The following MARK3 variants were observed in gnomAD, a reference collection of about 807,000 sequenced individuals.
MARK3 encodes the protein MAP/microtubule affinity-regulating kinase 3.
Under a neutral mutation model 90.1 loss-of-function variants are expected in MARK3, and 46 were observed. That is an observed-to-expected ratio of 0.51 (90% confidence interval 0.40 to 0.65). MARK3 has a LOEUF of 0.65. Among genes scored for constraint, MARK3 ranks in the 30% least tolerant of loss-of-function variants. The pLI, the probability that MARK3 is intolerant of heterozygous loss-of-function variation, is 0.00. For missense variants in MARK3, 818 were observed against 947.2 expected (o/e 0.86, Z 1.79); for synonymous variants, 321 against 332.6 (o/e 0.97, Z 0.38).
In MARK3 at chr14:103,479,442, A is replaced by G. The variant is rs182726546; in HGVS notation, c.1483-945A>G. Among the ~76,000 whole-genome samples, 153 of 152,268 alleles carry G rather than the reference A, an allele frequency of 1.0e-3. 2 individuals are homozygous for G. The highest frequency in any genetic ancestry group is 1.9e-4 in the East Asian group (1 of 5,188). The stretch of plus-strand genomic sequence containing the variant: ...GCCAAACTGTTTTCCTCACAACTGT[A>G]CCATTTTATCCAGCAATAGTGAGAG... On this transcript the variant is annotated intron_variant, in intron 13 of 17. Coordinates refer to ENST00000429436, the MANE Select transcript of MARK3 (RefSeq NM_001128918.3).
intron 15 of MARK3, among the ~76,000 whole-genome samples, chr14:103,493,340 C>T (rs1472944417): frequency 6.7e-6 from 1 of 149,588 alleles, no homozygotes; most frequent in Non-Finnish European, 1.5e-5. Context: ...CTTCAACCTC[C>T]GCCTAGATTA....
At chr14:103,483,084 C>T (rs1041319868) in intron 14 of MARK3, among the ~76,000 whole-genome samples, 4 of 152,196 alleles carry the variant, frequency 2.6e-5, no homozygotes, top group African/African-American at 9.7e-5. Context: ...AATGTGACAG[C>T]TTTCCCTTAA....
chr14:103,394,893 C>T (rs995449176), intron 1 of MARK3, among the ~76,000 whole-genome samples: 2 of 152,166 alleles, frequency 1.3e-5, no homozygotes, highest in Admixed American at 1.3e-4. Context: ...AGTGATTGTC[C>T]TGCCTCAGCC....
At chr14:103,480,625 A>G (rs1439687469) in intron 14 of MARK3, 135 bp downstream of exon 14, 2 of 587,508 alleles carry the variant, frequency 3.4e-6, no homozygotes. Context: ...TTAAATTTGT[A>G]TACTAATTTT....
chr14:103,395,156 G>A (rs562281322), intron 1 of MARK3, among the ~76,000 whole-genome samples: 6 of 152,236 alleles, frequency 3.9e-5, no homozygotes, highest in Admixed American at 3.9e-4. Context: ...AAAAATGAGA[G>A]TCTAAGACTG....
intron 14 of MARK3, among the ~76,000 whole-genome samples, chr14:103,482,380 G>A (rs2093841845): frequency 6.6e-6 from 1 of 152,000 alleles, no homozygotes; most frequent in Admixed American, 6.6e-5. Context: ...AATTAACCAT[G>A]TGTGGTGGCA....
At chr14:103,487,522 T>C (rs2093950974) in intron 14 of MARK3, among the ~76,000 whole-genome samples, 1 of 152,024 alleles carries the variant, frequency 6.6e-6, no homozygotes, top group Non-Finnish European at 1.5e-5. Context: ...GCAAGCTGAC[T>C]AAAAGCCTTT....
chr14:103,388,760 G>A (rs2090001499), intron 1 of MARK3, among the ~76,000 whole-genome samples: 1 of 152,108 alleles, frequency 6.6e-6, no homozygotes, highest in East Asian at 1.9e-4. Flanking sequence ...CTATGTAAAT[G>A]GAGTCACAGT....
chr14:103,442,144 G>A (rs755161521), intron 3 of MARK3, among the ~76,000 whole-genome samples: 28 of 152,158 alleles, frequency 1.8e-4, no homozygotes, highest in Non-Finnish European at 3.2e-4. Flanking sequence ...TGAGGTGGGC[G>A]GATCATGAGG....
At chr14:103,454,590 G>A (rs10143247) in intron 5 of MARK3, among the ~76,000 whole-genome samples, 50,913 of 151,912 alleles carry the variant, frequency 0.34, 8,856 homozygotes, top group Middle Eastern at 0.45. Context: ...AACAATTTCC[G>A]GGACATATGT....
At chr14:103,399,548 A>T (rs1473812474) in intron 1 of MARK3, among the ~76,000 whole-genome samples, 1 of 151,882 alleles carries the variant, frequency 6.6e-6, no homozygotes, top group Non-Finnish European at 1.5e-5. Context: ...ATACGAAAAA[A>T]ATTAGCCGGG....
intron 12 of MARK3, chr14:103,469,369 A>G (rs1430811823): frequency 6.6e-6 from 1 of 152,024 alleles, no homozygotes; most frequent in Non-Finnish European, 1.5e-5. Context: ...TTTAATAGAG[A>G]CAGGGTTTCA....
intron 6 of MARK3, among the ~76,000 whole-genome samples, chr14:103,457,833 T>C (rs1162178906): frequency 6.6e-6 from 1 of 152,258 alleles, no homozygotes; most frequent in Non-Finnish European, 1.5e-5. Context: ...TATATCCATT[T>C]GCTAAAAAAT....
chr14:103,502,580 C>A (rs1226442899), intron 17 of MARK3, among the ~76,000 whole-genome samples: 1 of 152,224 alleles, frequency 6.6e-6, no homozygotes, highest in Non-Finnish European at 1.5e-5. Flanking sequence ...GCATGCTGTC[C>A]TTTTTGCCTG....
chr14:103,424,890 T>G (rs185876885), intron 2 of MARK3, among the ~76,000 whole-genome samples: 4 of 152,336 alleles, frequency 2.6e-5, no homozygotes, highest in African/African-American at 9.6e-5. Flanking sequence ...TGTTTTTTGG[T>G]TACTGATTAT....
intron 6 of MARK3, among the ~76,000 whole-genome samples, chr14:103,461,962 G>A (rs568148582): frequency 6.6e-6 from 1 of 151,664 alleles, no homozygotes; most frequent in African/African-American, 2.4e-5. Context: ...CTTGAACCTG[G>A]GACGGGGAGG....
At chr14:103,488,080 A>C (rs762403107) in intron 14 of MARK3, among the ~76,000 whole-genome samples, 1 of 152,076 alleles carries the variant, frequency 6.6e-6, no homozygotes, top group South Asian at 2.1e-4. Context: ...GTGTGCATTC[A>C]TGTGTACGTG....
intron 5 of MARK3, among the ~76,000 whole-genome samples, chr14:103,454,710 CAT>C (rs1595754868): frequency 6.6e-6 from 1 of 152,194 alleles, no homozygotes; most frequent in East Asian, 1.9e-4. Context: ...TTGGTAAACT[CAT>C]AGAATTTTAG....
rs2075581133 is a variant in MARK3 at position 103,500,150 on chromosome 14, A to G, written c.1872-6A>G. The G allele has an allele frequency of 6.2e-7, 1 of 1,610,712 alleles. No homozygotes were observed. The highest frequency in any genetic ancestry group is 8.5e-7 in the Non-Finnish European group (1 of 1,177,666). ...TTCTCTCTGCTTCTACATTCTGTTC[A>G]TTGAGGCTTCCAACTGAATATGAGA... On this transcript the variant is annotated splice_polypyrimidine_tract_variant and splice_region_variant and intron_variant, in intron 16 of 17. Coordinates refer to ENST00000429436, the MANE Select transcript of MARK3 (RefSeq NM_001128918.3).
Sources: allele counts gnomAD v4.1 joint callset (sites outside exome capture counted in the v4.1 genomes callset), GRCh38; gene constraint gnomAD v4.1.1; transcripts MANE v1.5; gene names NCBI Gene and HGNC (gene_info 2026-07-23, HGNC 2026-07-21).